The following ARHGAP24 variants were observed in gnomAD, a reference collection of about 807,000 sequenced individuals.
The protein encoded by ARHGAP24 is Rho GTPase activating protein 24.
A neutral mutation model predicts 76.4 loss-of-function variants in ARHGAP24; 50 were observed. The observed-to-expected ratio is 0.65, with a 90% CI of 0.52 to 0.83. The LOEUF (loss-of-function observed/expected upper bound fraction) is 0.83, where lower values mean the gene tolerates loss of function less well. Among genes scored for constraint, ARHGAP24 ranks in the 40% least tolerant of loss-of-function variants. The pLI is 0.00. For missense variants in ARHGAP24, 930 were observed against 914.2 expected (o/e 1.02, Z -0.22); for synonymous variants, 345 against 323.3 (o/e 1.07, Z -0.72).
intron 3 of ARHGAP24, among the ~76,000 whole-genome samples, chr4:85,808,899 T>C (rs1424805002): frequency 6.6e-6 from 1 of 152,186 alleles, no homozygotes; most frequent in Admixed American, 6.5e-5. Context: ...GATTAGTCTA[T>C]CAGCAGAAAA....
At chr4:85,833,722 A>G (rs1465988298) in intron 3 of ARHGAP24, among the ~76,000 whole-genome samples, 3 of 152,222 alleles carry the variant, frequency 2.0e-5, no homozygotes, top group Non-Finnish European at 4.4e-5. Context: ...ATTTAGTGTT[A>G]GTAGAAACTT....
intron 3 of ARHGAP24, among the ~76,000 whole-genome samples, chr4:85,764,452 T>C (rs573428412): frequency 4.6e-5 from 7 of 152,304 alleles, no homozygotes; most frequent in Admixed American, 1.3e-4. Flanking sequence ...GACCTTTTCA[T>C]TCTTTGTAGA....
At chr4:85,539,316 G>A (rs1330774685) in intron 1 of ARHGAP24, among the ~76,000 whole-genome samples, 2 of 152,152 alleles carry the variant, frequency 1.3e-5, no homozygotes, top group Non-Finnish European at 1.5e-5. Context: ...AGAGATGTAT[G>A]AGTAAGGCAA....
chr4:85,966,191 G>A (rs1009822362), intron 5 of ARHGAP24, among the ~76,000 whole-genome samples: 3 of 152,066 alleles, frequency 2.0e-5, no homozygotes, highest in Non-Finnish European at 2.9e-5. Context: ...ATCCCATCAG[G>A]CCAGGGCCGC....
At chr4:85,898,358 G>T (rs1331445555) in intron 3 of ARHGAP24, among the ~76,000 whole-genome samples, 1 of 152,012 alleles carries the variant, frequency 6.6e-6, no homozygotes, top group African/African-American at 2.4e-5. Context: ...CTCTCCCTTA[G>T]CGTAGATCAC....
rs1389926061 is a variant in ARHGAP24 at position 85,810,038 on chromosome 4, G to C, written c.268+88066G>C. 2.0e-5 allele frequency among the ~76,000 whole-genome samples: 3 copies of C among 152,148 alleles called. No homozygotes were observed. In the East Asian group the frequency reaches 5.8e-4, roughly 29 times the overall value. On this transcript the variant is annotated intron_variant, in intron 3 of 9. Transcript: ENST00000395184. The stretch of plus-strand genomic sequence containing the variant: ...GAAATCATAAAATTGGATAACATGA[G>C]AGTCTATCTTTCAAGGCTGTCGAGA...
intron 5 of ARHGAP24, among the ~76,000 whole-genome samples, chr4:85,948,379 T>G (rs2148830011): frequency 6.6e-6 from 1 of 152,294 alleles, no homozygotes; most frequent in Middle Eastern, 3.4e-3. Flanking sequence ...CTTTTAATAT[T>G]TATATATGGC....
chr4:85,779,239 T>C (rs947780138), intron 3 of ARHGAP24, among the ~76,000 whole-genome samples: 3 of 152,212 alleles, frequency 2.0e-5, no homozygotes, highest in Non-Finnish European at 2.9e-5. Flanking sequence ...CTTTGTTGTA[T>C]CTTGTCATGT....
chr4:85,701,384 G>A (rs76060410), intron 2 of ARHGAP24, among the ~76,000 whole-genome samples: 2,232 of 152,118 alleles, frequency 0.015, 47 homozygotes, highest in African/African-American at 0.051. Context: ...CATCACCTGA[G>A]CGCTGTACAC....
rs1195225808 is a variant in ARHGAP24, at chr4:85,648,296, C to T, written c.181-73589C>T. 9.2e-5 allele frequency among the ~76,000 whole-genome samples: 14 copies of T among 152,218 alleles called. No homozygotes were observed. The East Asian group carries it at 1.9e-3, about 21-fold the overall frequency. ...CTTTTTCTCTTTGCTACTCTAACAT[C>T]TTACTGAATAATGCGTATTATTGTT... On this transcript the variant is annotated intron_variant, in intron 2 of 9. Coordinates refer to ENST00000395184, the MANE Select transcript of ARHGAP24 (RefSeq NM_001025616.3).
chr4:85,996,021 C>G (rs923363053), intron 9 of ARHGAP24, among the ~76,000 whole-genome samples: 4 of 152,178 alleles, frequency 2.6e-5, no homozygotes, highest in African/African-American at 9.7e-5. Flanking sequence ...CATTAGGAGC[C>G]TGTTAGTTTT....
intron 2 of ARHGAP24, among the ~76,000 whole-genome samples, chr4:85,577,158 TC>T (rs1471894265): frequency 6.6e-6 from 1 of 150,454 alleles, no homozygotes; most frequent in Non-Finnish European, 1.5e-5. Context: ...TTTATAGATT[TC>T]TAATGTACCT....
chr4:85,689,396 AT>A (rs201819320), intron 2 of ARHGAP24, among the ~76,000 whole-genome samples: 4 of 151,524 alleles, frequency 2.6e-5, no homozygotes, highest in Admixed American at 2.0e-4. Flanking sequence ...TAAATTTTTA[AT>A]TTTTTTTGAA....
At chr4:85,762,059 A>G (rs538921917) in intron 3 of ARHGAP24, among the ~76,000 whole-genome samples, 107 of 152,348 alleles carry the variant, frequency 7.0e-4, no homozygotes, top group African/African-American at 2.5e-3. Flanking sequence ...TTGCACCACC[A>G]GTAAGTATAA....
chr4:85,889,670 G>C (rs1733772910), intron 3 of ARHGAP24, among the ~76,000 whole-genome samples: 1 of 152,102 alleles, frequency 6.6e-6, no homozygotes. Context: ...GGAATGCCAG[G>C]GGAGAACTCC....
chr4:85,964,924 A>G (rs115917786), intron 5 of ARHGAP24, among the ~76,000 whole-genome samples: 53 of 152,224 alleles, frequency 3.5e-4, no homozygotes, highest in African/African-American at 1.3e-3. Flanking sequence ...GAGTGAATGT[A>G]TATTAAACTG....
intron 3 of ARHGAP24, among the ~76,000 whole-genome samples, chr4:85,770,426 C>T (rs530041868): frequency 2.0e-5 from 3 of 152,254 alleles, no homozygotes; most frequent in East Asian, 3.9e-4. Context: ...TAAATGTCTC[C>T]CTACTTCCTA....
At chr4:85,482,127 C>G (rs10050221) in intron 1 of ARHGAP24, among the ~76,000 whole-genome samples, 9,304 of 152,218 alleles carry the variant, frequency 0.061, 933 homozygotes, top group African/African-American at 0.21. Flanking sequence ...GGAGTTAAAA[C>G]AGCCTGATGT....
At chr4:85,805,654 T>C (rs1486064536) in intron 3 of ARHGAP24, among the ~76,000 whole-genome samples, 1 of 152,230 alleles carries the variant, frequency 6.6e-6, no homozygotes, top group Non-Finnish European at 1.5e-5. Flanking sequence ...TGGCTTGAAA[T>C]ACTTTGCTCA....
Sources: allele counts gnomAD v4.1 joint callset (sites outside exome capture counted in the v4.1 genomes callset), GRCh38; gene constraint gnomAD v4.1.1; transcripts MANE v1.5; gene names NCBI Gene and HGNC (gene_info 2026-07-23, HGNC 2026-07-21).